Variants in NR5A2 observed in about 807,000 individuals in gnomAD.
NR5A2 encodes the protein CYP7A promoter-binding factor.
A neutral mutation model predicts 62.7 loss-of-function variants in NR5A2; 26 were observed. That is an observed-to-expected ratio of 0.41 (90% CI 0.30 to 0.58). The LOEUF is 0.58. NR5A2 is among the 20% of genes least tolerant of loss of function. The probability of loss-of-function intolerance (pLI) is 0.22; values close to 1 mark genes in which losing one functional copy is unlikely to be tolerated. For synonymous variants in NR5A2, 246 were observed against 241.7 expected (o/e 1.02, Z -0.16); for missense variants, 541 against 669.1 (o/e 0.81, Z 2.11).
chr1:200,077,821 C>T (rs1664110094), intron 5 of NR5A2, among the ~76,000 whole-genome samples: 2 of 152,216 alleles, frequency 1.3e-5, no homozygotes, highest in African/African-American at 4.8e-5. Context: ...GATGGTACGT[C>T]AGTCTGGATG....
chr1:200,060,350 G>T (rs191517366), intron 5 of NR5A2, among the ~76,000 whole-genome samples: 1 of 152,122 alleles, frequency 6.6e-6, no homozygotes, highest in South Asian at 2.1e-4. Flanking sequence ...CAAGAGAAAC[G>T]GTTAAATAGA....
At chr1:200,031,824 C>G (rs539933875) in intron 1 of NR5A2, among the ~76,000 whole-genome samples, 9 of 152,096 alleles carry the variant, frequency 5.9e-5, no homozygotes, top group African/African-American at 2.2e-4. Flanking sequence ...AGGTGATCCA[C>G]CCACCTCAGC....
rs546699020 is a variant in NR5A2, at chr1:200,063,199, T to C, written c.1110+14381T>C. On this transcript the variant is annotated intron_variant, in intron 5 of 7. Coordinates refer to ENST00000367362, the MANE Select transcript of NR5A2 (RefSeq NM_205860.3). ...CCACCACACCCAGCTAATTTTTGTT[T>C]TTTTTTAGTGGAGACAGTGTTTCAC... Among the ~76,000 whole-genome samples, 40 of 152,258 alleles carry C rather than the reference T, an allele frequency of 2.6e-4. 1 individual carries two copies. The highest frequency in any genetic ancestry group is 6.5e-4 in the Admixed American group (10 of 15,296).
Position 200,048,648 on chromosome 1 carries a change from G to A in NR5A2, c.940G>A (p.Asp314Asn). The A allele has an allele frequency of 6.2e-7, 1 of 1,614,214 alleles. No homozygotes were observed. Among genetic ancestry groups the A allele is most frequent in the Non-Finnish European group, 8.5e-7 (1 of 1,180,040 alleles). ...ACTGGAACTTTTGAAGTGTGAGCCA[G>A]ATGAGCCTCAAGTCCAGGCTAAAAT... ...LILELLKCEP[D>N]EPQVQAKIMA... is the part of the protein sequence containing the mutation. Residue 314 changes from aspartate to asparagine, a missense_variant, in exon 5 of 8, where the codon GAT (aspartate) becomes AAT (asparagine). Transcript: ENST00000367362. This position sits in a 1 kb window ranked among gnomAD's most constrained non-coding sequence, Gnocchi z 4.8.
intron 3 of NR5A2, 74 bp downstream of exon 3, chr1:200,043,966 G>A: frequency 1.1e-6 from 1 of 938,524 alleles, no homozygotes; most frequent in Non-Finnish European, 1.7e-6. Flanking sequence ...CTTCTTTTAA[G>A]CTAAATTTAG....
chr1:200,171,372 T>A lies in NR5A2; in HGVS notation c.1379-2591T>A. On this transcript the variant is annotated intron_variant, in intron 7 of 7. Coordinates refer to ENST00000367362, the MANE Select transcript of NR5A2 (RefSeq NM_205860.3). ...TTAGCCAAAATATGAGACACCTATA[T>A]ATTTTCCTGCCAGAAGGAAAATTGC... Among the ~76,000 whole-genome samples the A allele has an allele frequency of 1.3e-5, 2 of 152,230 alleles. 1 individual carries two copies. The highest frequency in any genetic ancestry group is 2.9e-5 in the Non-Finnish European group (2 of 68,044).
At chr1:200,090,477 G>A (rs1664763483) in intron 5 of NR5A2, among the ~76,000 whole-genome samples, 1 of 152,180 alleles carries the variant, frequency 6.6e-6, no homozygotes, top group Non-Finnish European at 1.5e-5. Flanking sequence ...AGTGGAGGGT[G>A]AAAAGGGCAA....
At chr1:200,098,260 C>T (rs1182755590) in intron 5 of NR5A2, among the ~76,000 whole-genome samples, 1 of 152,112 alleles carries the variant, frequency 6.6e-6, no homozygotes, top group South Asian at 2.1e-4. Context: ...TCTTGTTTTT[C>T]CCCCAAATCG....
intron 1 of NR5A2, chr1:200,029,338 C>T (rs978623368): frequency 1.8e-5 from 3 of 168,858 alleles, no homozygotes; most frequent in Non-Finnish European, 3.7e-5. Context: ...AGACCACGCA[C>T]GCCGATCCCT....
rs1325195427 is a variant in NR5A2, at chr1:200,176,372, T to C, written c.*2162T>C. 1 of 152,642 alleles carries C rather than the reference T, an allele frequency of 6.6e-6. No homozygotes were observed. The highest frequency in any genetic ancestry group is 1.5e-5 in the Non-Finnish European group (1 of 68,060). The allele number at this position is 152,642 out of a possible 1,614,324, so 9.5% of individuals were successfully genotyped here. ...CACATTAGGTAAGCTGGGCGTTGAC[T>C]CATGCGCAGTCTCAGTCACCCGTGT... On this transcript the variant is annotated 3_prime_UTR_variant, in exon 8 of 8. Coordinates refer to ENST00000367362, the MANE Select transcript of NR5A2 (RefSeq NM_205860.3).
chr1:200,137,086 C>T (rs1049756656), intron 7 of NR5A2, among the ~76,000 whole-genome samples: 2 of 152,124 alleles, frequency 1.3e-5, no homozygotes, highest in Non-Finnish European at 2.9e-5. Context: ...CCGCCAGCCT[C>T]AGCCACCCAA....
At chr1:200,114,753 T>G (rs1016954258) in intron 6 of NR5A2, among the ~76,000 whole-genome samples, 19 of 152,098 alleles carry the variant, frequency 1.2e-4, no homozygotes, top group Non-Finnish European at 1.5e-4. Context: ...CTTTGGCAGA[T>G]GAGGAACCAA....
intron 2 of NR5A2, 87 bp from the exon 3 acceptor site, chr1:200,043,687 G>A: frequency 1.3e-6 from 1 of 756,190 alleles, no homozygotes. Context: ...TATTTGCCCA[G>A]CAATCACCAA....
chr1:200,039,660 G>T lies in NR5A2; in HGVS notation c.67G>T (p.Ala23Ser). ...SLKHGLTPIG[A>S]GLPDRHGSPI... is the part of the protein sequence containing the mutation. ...GAATCTGTGCTGCCCGTGTCCAGGT[G>T]CTGGGCTTCCGGACCGACACGGATC... is the stretch of plus-strand genomic sequence containing the variant. The change falls in exon 2 of 8, where the codon GCT becomes TCT. Residue 23 changes from alanine (A) to serine (S), a missense_variant and splice_region_variant. Around this residue, in one of 3 missense-constraint regions of NR5A2, gnomAD observed 108 missense variants for 103.3 expected, o/e 1.05. Transcript: ENST00000367362. The surrounding 1 kb of genome is among the most constrained non-coding windows in gnomAD (Gnocchi z 5.1). The T allele has an allele frequency of 6.2e-7, 1 of 1,612,186 alleles. No homozygotes were observed. The highest frequency in any genetic ancestry group is 2.2e-5 in the East Asian group (1 of 44,670).
At chr1:200,080,867 A>G (rs1664261143) in intron 5 of NR5A2, among the ~76,000 whole-genome samples, 1 of 152,200 alleles carries the variant, frequency 6.6e-6, no homozygotes, top group South Asian at 2.1e-4. Context: ...GATCCTTATC[A>G]CAATCCCTAT....
chr1:200,117,828 C>T (rs559546283), intron 6 of NR5A2, among the ~76,000 whole-genome samples: 2 of 152,052 alleles, frequency 1.3e-5, no homozygotes, highest in Admixed American at 1.3e-4. Context: ...ATTCTCCAGC[C>T]TCAGCCTCCC....
chr1:200,085,416 A>C (rs1479074206), intron 5 of NR5A2, among the ~76,000 whole-genome samples: 1 of 152,210 alleles, frequency 6.6e-6, no homozygotes, highest in Non-Finnish European at 1.5e-5. Context: ...TCATCACCAT[A>C]GAAGCCTCCT....
chr1:200,145,522 G>T (rs75942064), intron 7 of NR5A2, among the ~76,000 whole-genome samples: 2 of 146,428 alleles, frequency 1.4e-5, no homozygotes, highest in Non-Finnish European at 1.5e-5. Flanking sequence ...GTGTTATAAA[G>T]GTGACTCAAC....
Position 200,101,551 on chromosome 1 carries a change from C to A in NR5A2, c.1111-9651C>A, listed in dbSNP as rs866404151. Among the ~76,000 whole-genome samples, 5 of 152,274 alleles carry A rather than the reference C, an allele frequency of 3.3e-5. No individual in the cohort carries two copies. In the Middle Eastern group the frequency reaches 0.017, roughly 518 times the overall value. The stretch of plus-strand genomic sequence containing the variant: ...TAAGGGAAGTATGGGAAAGCTAACC[C>A]AGGAGTGGCAGAGACCTCCTTTTCC... On this transcript the variant is annotated intron_variant, in intron 5 of 7. Coordinates refer to ENST00000367362, the MANE Select transcript of NR5A2 (RefSeq NM_205860.3).
Sources: gnomAD v4.1 joint callset for allele counts (sites outside exome capture counted in the v4.1 genomes callset) on GRCh38, gnomAD v4.1.1 for gene constraint, gnomAD v4.1.1 regional missense constraint, Gnocchi (gnomAD v3.1) non-coding constraint, MANE v1.5 for transcripts, NCBI Gene and HGNC (gene_info 2026-07-23, HGNC 2026-07-21) for gene names.